MOB3A: variants seen among roughly 807,000 people sequenced by gnomAD.
MOB3A encodes the protein MOB kinase activator 3A, also known as MOB LAK.
Under a neutral mutation model 17.8 loss-of-function variants are expected in MOB3A, and 17 were observed. That is an observed-to-expected ratio of 0.95 (90% CI 0.65 to 1.43). The LOEUF is 1.43. MOB3A is among the 40% of genes most tolerant of loss of function. The probability of loss-of-function intolerance (pLI) is 0.00; values close to 1 mark genes in which losing one functional copy is unlikely to be tolerated. For missense variants in MOB3A, 333 were observed against 310.8 expected, an observed-to-expected ratio of 1.07 and a Z score of -0.54; for synonymous variants, 124 against 133.2, an observed-to-expected ratio of 0.93 and a Z score of 0.48.
At chr19:2,081,261 C>T (rs763128873) in intron 2 of MOB3A, among the ~76,000 whole-genome samples, 6 of 151,890 alleles carry the variant, frequency 4.0e-5, no homozygotes, top group East Asian at 1.9e-4. Flanking sequence ...GCCTGGGGGT[C>T]GGGGGGAAGA....
intron 1 of MOB3A, among the ~76,000 whole-genome samples, chr19:2,087,919 C>A (rs1394354751): frequency 6.6e-6 from 1 of 152,230 alleles, no homozygotes; most frequent in East Asian, 1.9e-4. Flanking sequence ...CCTTCTTGGC[C>A]TCCTGGATGG....
rs140916603 is a variant in MOB3A at position 2,078,402 on chromosome 19, C to G, written c.159G>C (p.Pro53=). Residue 53 remains proline (P), a synonymous_variant, in exon 3 of 5, where the codon CCG becomes CCC. Coordinates refer to ENST00000357066, the MANE Select transcript of MOB3A (RefSeq NM_130807.3). The part of the protein sequence containing the change: ...LDLRLAVQLP[P]GEDLNDWVAV... The stretch of plus-strand genomic sequence containing the variant: ...CCACCCAGTCGTTCAGGTCCTCGCC[C>G]GGGGGCAACTGCACGGCCAGCCGCA... 6 of 1,613,946 alleles carry G rather than the reference C, an allele frequency of 3.7e-6. No homozygotes were observed. The highest frequency in any genetic ancestry group is 3.3e-4 in the Middle Eastern group (2 of 6,084).
chr19:2,081,424 C>T (rs1190337641), intron 2 of MOB3A, among the ~76,000 whole-genome samples: 1 of 151,716 alleles, frequency 6.6e-6, no homozygotes, highest in Non-Finnish European at 1.5e-5. Context: ...CCCATCTCTA[C>T]TAAAAATACA....
At chr19:2,081,522 AG>A (rs1484980103) in intron 2 of MOB3A, among the ~76,000 whole-genome samples, 1 of 151,350 alleles carries the variant, frequency 6.6e-6, no homozygotes, top group African/African-American at 2.4e-5. Flanking sequence ...CGGGGGACAA[AG>A]GTTGCAGTGA....
At chr19:2,096,045 C>T (rs2017686766) in intron 1 of MOB3A, among the ~76,000 whole-genome samples, 181 bp downstream of exon 1, 1 of 151,976 alleles carries the variant, frequency 6.6e-6, no homozygotes, top group Non-Finnish European at 1.5e-5. Context: ...CGCCCGGCCT[C>T]GCCCTTCCTG....
At chr19:2,079,599 A>G (rs1472338238) in intron 2 of MOB3A, among the ~76,000 whole-genome samples, 1 of 152,188 alleles carries the variant, frequency 6.6e-6, no homozygotes, top group African/African-American at 2.4e-5. Context: ...TCGGCCTCAG[A>G]GGGACCCAGC....
Position 2,076,994 on chromosome 19 carries a change from G to T in MOB3A, c.441C>A (p.Asn147Lys). 2 of 1,613,534 alleles carry T rather than the reference G, an allele frequency of 1.2e-6. No homozygotes were observed. The highest frequency in any genetic ancestry group is 1.7e-6 in the Non-Finnish European group (2 of 1,179,910). ...GGATCTTCCGCACCGTCTGCAGGAAGTTCTTGGGAAACGGAGTGCCTGCAG... is the reference window on the plus strand; with the variant it reads ...GGATCTTCCGCACCGTCTGCAGGAATTTCTTGGGAAACGGAGTGCCTGCAG... ...PTNVGTPFPK[N>K]FLQTVRKILS... The change falls in exon 4 of 5, where the codon AAC becomes AAA. Residue 147 changes from asparagine (N) to lysine (K), a missense_variant. Transcript: ENST00000357066.
Position 2,078,079 on chromosome 19 carries a change from C to T in MOB3A, c.421+61G>A, listed in dbSNP as rs896654160. 2.4e-5 allele frequency: 35 copies of T among 1,469,060 alleles called. No homozygotes were observed. The East Asian group carries it at 3.9e-4, about 16-fold the overall frequency. 91.0% of individuals were successfully genotyped at this position (1,469,060 alleles called of 1,614,324 possible). A position where few individuals can be genotyped will look rare whatever the true frequency, so the allele number is the denominator to read the frequency against. Reference sequence around the variant, plus strand: ...CATTACGGGTGTGAGCCACTGTGCTCGGCCTCCCTGACTTTTCTGGAAGGC... The same window carrying T: ...CATTACGGGTGTGAGCCACTGTGCTTGGCCTCCCTGACTTTTCTGGAAGGC... On this transcript the variant is annotated intron_variant, in intron 3 of 4. Transcript: ENST00000357066.
intron 4 of MOB3A, among the ~76,000 whole-genome samples, chr19:2,076,413 C>G (rs139459590): frequency 0.019 from 2,892 of 152,270 alleles, 41 homozygotes; most frequent in Non-Finnish European, 0.025. Flanking sequence ...GCCTGGGTGA[C>G]AGAGTGAGAC....
chr19:2,075,717 G>A (rs1285375752), intron 4 of MOB3A, among the ~76,000 whole-genome samples: 1 of 152,092 alleles, frequency 6.6e-6, no homozygotes, highest in Admixed American at 6.6e-5. Flanking sequence ...TCAGGGATGT[G>A]GACCCCACAC....
chr19:2,086,700 T>C (rs773881372), intron 1 of MOB3A, among the ~76,000 whole-genome samples: 5 of 152,182 alleles, frequency 3.3e-5, no homozygotes, highest in South Asian at 4.1e-4. Flanking sequence ...CTGGTGCTGG[T>C]AGGCCACCCT....
rs552587179 is a variant in MOB3A at position 2,075,770 on chromosome 19, TA to T, written c.624+1040del. Among the ~76,000 whole-genome samples the T allele has an allele frequency of 2.6e-5, 4 of 151,922 alleles. No individual in the cohort carries two copies. The South Asian group carries it at 8.3e-4, about 32-fold the overall frequency. ...GGGTTCGTCTCCCGATAAAACCTGGTAACGTGGAAAGCAGACAGGCTAGGGC... is the reference window on the plus strand; with the variant it reads ...GGGTTCGTCTCCCGATAAAACCTGGTACGTGGAAAGCAGACAGGCTAGGGC... On this transcript the variant is annotated intron_variant, in intron 4 of 4. Coordinates refer to ENST00000357066, the MANE Select transcript of MOB3A (RefSeq NM_130807.3).
chr19:2,090,516 C>A (rs897127332), intron 1 of MOB3A, among the ~76,000 whole-genome samples: 1 of 152,106 alleles, frequency 6.6e-6, no homozygotes, highest in Non-Finnish European at 1.5e-5. Flanking sequence ...CAGCACCCTG[C>A]AGTGCCCAGG....
rs112716650 is a variant in MOB3A at position 2,071,915 on chromosome 19, C to G, written c.*1480G>C. 1.8e-4 allele frequency: 27 copies of G among 152,470 alleles called. No individual in the cohort carries two copies. Among genetic ancestry groups the G allele is most frequent in the African/African-American group, 6.0e-4 (25 of 41,584 alleles). 9.4% of individuals were successfully genotyped at this position (152,470 alleles called of 1,614,324 possible). A position where few individuals can be genotyped will look rare whatever the true frequency, so the allele number is the denominator to read the frequency against. On this transcript the variant is annotated 3_prime_UTR_variant, in exon 5 of 5. Coordinates refer to ENST00000357066, the MANE Select transcript of MOB3A (RefSeq NM_130807.3). ...AAATTCTTGGCCGGGCACAGTGGCT[C>G]ACGCCTGTAATCCCAGCACTTTGGG...
At position 2,078,524 on chromosome 19, in the gene MOB3A, C is replaced by A; in HGVS notation, c.37G>T (p.Asp13Tyr). The A allele has an allele frequency of 4.4e-6, 7 of 1,592,808 alleles. No homozygotes were observed. The highest frequency in any genetic ancestry group is 6.0e-6 in the Non-Finnish European group (7 of 1,165,968). Residue 13 changes from aspartate to tyrosine, a missense_variant, in exon 3 of 5, where the codon GAC becomes TAC. By Grantham distance (160) the Asp-to-Tyr change is radical. Transcript: ENST00000357066. ...NPFLKQVFNKDKTFRPKRKFE... is the reference protein window; with the variant it reads ...NPFLKQVFNKYKTFRPKRKFE... ...TTGCGCTTGGGGCGGAATGTCTTGT[C>A]CTTGTTGAAGACTTGCTTCAGGAAG... is the stretch of plus-strand genomic sequence containing the variant.
At chr19:2,088,332 C>A (rs1429222933) in intron 1 of MOB3A, among the ~76,000 whole-genome samples, 1 of 152,194 alleles carries the variant, frequency 6.6e-6, no homozygotes, top group East Asian at 1.9e-4. Context: ...GAGACAAAGT[C>A]TTGCTCTGTC....
At position 2,082,062 on chromosome 19, in the gene MOB3A, C is replaced by T. The variant is rs1407141441; in HGVS notation, c.-120+3113G>A. On this transcript the variant is annotated intron_variant, in intron 2 of 4. Transcript: ENST00000357066. This position sits in a 1 kb window ranked among gnomAD's most constrained non-coding sequence, Gnocchi z 4.1. ...GGCAGGAGGACTTGAGTCCCACCCACGCTGCAGTGACCAGAAAGGCCTGAA... is the reference window on the plus strand; with the variant it reads ...GGCAGGAGGACTTGAGTCCCACCCATGCTGCAGTGACCAGAAAGGCCTGAA... Among the ~76,000 whole-genome samples, 3 of 152,204 alleles carry T rather than the reference C, an allele frequency of 2.0e-5. No homozygotes were observed. The highest frequency in any genetic ancestry group is 4.8e-5 in the African/African-American group (2 of 41,448).
chr19:2,086,532 G>C (rs146062022), intron 1 of MOB3A, among the ~76,000 whole-genome samples: 30 of 147,292 alleles, frequency 2.0e-4, no homozygotes, highest in Middle Eastern at 3.7e-3. Context: ...CCTAATTTTT[G>C]TATTTTTAGG....
At chr19:2,078,069 C>T (rs2017435055) in intron 3 of MOB3A, 71 bp downstream of exon 3, 1 of 1,431,838 alleles carries the variant, frequency 7.0e-7, no homozygotes, top group African/African-American at 1.4e-5. Context: ...CGGGTGTGAG[C>T]CACTGTGCTC....
Sources: gnomAD v4.1 joint callset for allele counts (sites outside exome capture counted in the v4.1 genomes callset) on GRCh38, gnomAD v4.1.1 for gene constraint, Gnocchi (gnomAD v3.1) non-coding constraint, MANE v1.5 for transcripts, NCBI Gene and HGNC (gene_info 2026-07-23, HGNC 2026-07-21) for gene names.